WDR11: variants seen among roughly 807,000 people sequenced by gnomAD.
WDR11 encodes WD repeat domain 11, also known as WD repeat-containing protein 11.
Under a neutral mutation model 151.2 loss-of-function variants are expected in WDR11, and 83 were observed. That is an observed-to-expected ratio of 0.55 (90% CI 0.46 to 0.66). The LOEUF is 0.66. Among genes scored for constraint, WDR11 ranks in the 30% least tolerant of loss-of-function variants. The probability of loss-of-function intolerance (pLI) is 0.00; values close to 1 mark genes in which losing one functional copy is unlikely to be tolerated. For missense variants in WDR11, 1,301 were observed against 1,480.9 expected, an observed-to-expected ratio of 0.88 and a Z score of 1.99; for synonymous variants, 484 against 533.1, an observed-to-expected ratio of 0.91 and a Z score of 1.27.
chr10:120,855,447 G>A (rs1845915241), intron 2 of WDR11, among the ~76,000 whole-genome samples: 1 of 151,460 alleles, frequency 6.6e-6, no homozygotes, highest in Admixed American at 6.6e-5. Context: ...TCAATTTGTG[G>A]GTTGTCTTTT....
chr10:120,904,125 C>G lies in WDR11; in HGVS notation c.3010C>G (p.Leu1004Val). The G allele has an allele frequency of 6.2e-7, 1 of 1,612,858 alleles. No individual in the cohort carries two copies. The highest frequency in any genetic ancestry group is 8.5e-7 in the Non-Finnish European group (1 of 1,179,046). Residue 1004 changes from leucine to valine, a missense_variant, in exon 24 of 29, where the codon CTA (leucine) becomes GTA (valine). By Grantham distance (32) the Leu-to-Val change is conservative. This residue lies in a region of WDR11 where 589 missense variants were observed against 670.6 expected (regional missense o/e 0.88). Transcript: ENST00000263461. ...YDHTRKCTDQ[L>V]LLLGQTDRAV... Reference sequence around the variant, plus strand: ...TCATACAAGGAAATGTACAGACCAGCTACTGCTCTTGGGTCAAGTATGTCA... The same window carrying G: ...TCATACAAGGAAATGTACAGACCAGGTACTGCTCTTGGGTCAAGTATGTCA...
At position 120,905,892 on chromosome 10, in the gene WDR11, A is replaced by T; in HGVS notation, c.3308A>T (p.Glu1103Val). The change falls in exon 27 of 29, where the codon GAG (glutamate) becomes GTG (valine). Residue 1103 changes from glutamate to valine, a missense_variant. Physicochemically the swap from Glu to Val is moderately radical, Grantham distance 121. Around this residue, in one of 3 missense-constraint regions of WDR11, gnomAD observed 589 missense variants for 670.6 expected, o/e 0.88. Transcript: ENST00000263461. ...CTTTCTCAGGTCCGTTTGAATCCTG[A>T]GGAGTGTGCCGATGTTTTAAGGCGG... The part of the protein sequence containing the change: ...AWLAKVRLNP[E>V]ECADVLRRWV... The T allele has an allele frequency of 1.2e-6, 2 of 1,614,184 alleles. No individual in the cohort carries two copies. Among genetic ancestry groups the T allele is most frequent in the Non-Finnish European group, 1.7e-6 (2 of 1,180,034 alleles).
intron 12 of WDR11, chr10:120,879,103 G>A (rs1044151512): frequency 6.6e-6 from 1 of 152,294 alleles, no homozygotes; most frequent in East Asian, 1.9e-4. Flanking sequence ...AAATAAAATT[G>A]TGATGAGTTT....
Position 120,886,538 on chromosome 10 carries a change from A to G in WDR11, c.1974-151A>G, listed in dbSNP as rs1847224000. On this transcript the variant is annotated intron_variant, in intron 15 of 28. Coordinates refer to ENST00000263461, the MANE Select transcript of WDR11 (RefSeq NM_018117.12). ...TAAGGAGTGATTCATGTTTACCCAT[A>G]ATTAGCTGGGCAAATATTAGTTTCA... 8 of 922,240 alleles carry G rather than the reference A, an allele frequency of 8.7e-6. No individual in the cohort carries two copies. In the East Asian group the frequency reaches 2.1e-4, roughly 24 times the overall value. The allele number at this position is 922,240 out of a possible 1,614,324, so 57.1% of individuals were successfully genotyped here. A position where few individuals can be genotyped will look rare whatever the true frequency, so the allele number is the denominator to read the frequency against.
chr10:120,902,995 A>C, intron 22 of WDR11, 60 bp from the exon 23 acceptor site: 1 of 1,564,504 alleles, frequency 6.4e-7, no homozygotes, highest in African/African-American at 1.4e-5. Context: ...AGTCTACTCT[A>C]GGAAGCCATC....
chr10:120,908,928 T>C lies in WDR11; in HGVS notation c.*215T>C. 6.8e-6 allele frequency: 4 copies of C among 588,432 alleles called. No homozygotes were observed. In the South Asian group the frequency reaches 8.1e-5, roughly 12 times the overall value. The allele number at this position is 588,432 out of a possible 1,614,324, so 36.5% of individuals were successfully genotyped here. Reference sequence around the variant, plus strand: ...TTGGTCTCAGAAAGAACGTGAATGCTTAAGATTTTGAAAGTACATAATATT... The same window carrying C: ...TTGGTCTCAGAAAGAACGTGAATGCCTAAGATTTTGAAAGTACATAATATT... On this transcript the variant is annotated 3_prime_UTR_variant, in exon 29 of 29. Transcript: ENST00000263461.
Position 120,862,746 on chromosome 10 carries a change from G to A in WDR11, c.538G>A (p.Glu180Lys). ...TTTTCTCAATATAGTGCTTACCAGC[G>A]AGGGTATTGTTTTCATCTCAGACTT... Reference protein sequence around the residue: ...DPSHLTLLTSEGIVFISDFSP... With the variant: ...DPSHLTLLTSKGIVFISDFSP... Residue 180 changes from glutamate to lysine, a missense_variant, in exon 5 of 29, where the codon GAG (glutamate) becomes AAG (lysine). Physicochemically the swap from Glu to Lys is moderately conservative, Grantham distance 56. Around this residue, in one of 3 missense-constraint regions of WDR11, gnomAD observed 692 missense variants for 762.5 expected, o/e 0.91. Transcript: ENST00000263461. The A allele has an allele frequency of 1.2e-6, 2 of 1,614,028 alleles. No homozygotes were observed. The highest frequency in any genetic ancestry group is 8.5e-7 in the Non-Finnish European group (1 of 1,180,008).
Position 120,851,368 on chromosome 10 carries a change from T to C in WDR11, c.-53T>C. Reference sequence around the variant, plus strand: ...CTCTGTTTGGAACGGAAGCACAGTGTCCGCCGCTTCCTGGTTGCGGGTCAG... The same window carrying C: ...CTCTGTTTGGAACGGAAGCACAGTGCCCGCCGCTTCCTGGTTGCGGGTCAG... On this transcript the variant is annotated 5_prime_UTR_variant, in exon 1 of 29. Transcript: ENST00000263461. 6.5e-7 allele frequency: 1 copy of C among 1,529,690 alleles called. No homozygotes were observed. 94.8% of individuals were successfully genotyped at this position (1,529,690 alleles called of 1,614,324 possible). A position where few individuals can be genotyped will look rare whatever the true frequency, so the allele number is the denominator to read the frequency against.
intron 7 of WDR11, 45 bp from the exon 8 acceptor site, chr10:120,866,524 A>C (rs768426743): frequency 6.2e-7 from 1 of 1,608,588 alleles, no homozygotes; most frequent in Non-Finnish European, 8.5e-7. Flanking sequence ...CAGTAGTGGT[A>C]TCGATATGGC....
chr10:120,906,341 A>C (rs1848044716), intron 27 of WDR11: 1 of 1,265,498 alleles, frequency 7.9e-7, no homozygotes, highest in Admixed American at 3.4e-5. Context: ...CCCAGAGAGC[A>C]GGGGGAGAGG....
chr10:120,863,675 TTTTG>T (rs1846215048), intron 5 of WDR11, among the ~76,000 whole-genome samples: 1 of 152,204 alleles, frequency 6.6e-6, no homozygotes, highest in African/African-American at 2.4e-5. Context: ...TGGCAGGCTT[TTTTG>T]TTTGTTTTGG....
intron 17 of WDR11, 100 bp from the exon 18 acceptor site, chr10:120,889,795 G>C: frequency 1.2e-6 from 1 of 835,816 alleles, no homozygotes; most frequent in Non-Finnish European, 2.0e-6. Context: ...CCCATCATCA[G>C]ACCTGTTAGA....
intron 9 of WDR11, among the ~76,000 whole-genome samples, chr10:120,867,708 G>T (rs895883725): frequency 5.3e-5 from 8 of 152,148 alleles, no homozygotes; most frequent in Non-Finnish European, 8.8e-5. Context: ...CATCACAAGG[G>T]TGGTACAGTG....
intron 20 of WDR11, among the ~76,000 whole-genome samples, chr10:120,900,527 G>C (rs923857766): frequency 6.6e-6 from 1 of 152,094 alleles, no homozygotes; most frequent in African/African-American, 2.4e-5. Flanking sequence ...CTCAATATTT[G>C]CCTCATTGCA....
intron 15 of WDR11, 79 bp downstream of exon 15, chr10:120,886,017 G>A: frequency 6.3e-7 from 1 of 1,586,250 alleles, no homozygotes; most frequent in Non-Finnish European, 8.6e-7. Flanking sequence ...TCATCGGAAG[G>A]TGTCTATGGT....
intron 9 of WDR11, among the ~76,000 whole-genome samples, chr10:120,868,219 C>T (rs186269997): frequency 5.1e-4 from 78 of 152,082 alleles, no homozygotes; most frequent in African/African-American, 1.7e-3. Flanking sequence ...TTTTGGAGGC[C>T]GAGGCGGGAG....
At chr10:120,859,969 ACAC>A in intron 3 of WDR11, 137 bp from the exon 4 acceptor site, 1 of 870,612 alleles carries the variant, frequency 1.1e-6, no homozygotes, top group Non-Finnish European at 1.9e-6. Flanking sequence ...ACACACACAC[ACAC>A]ACACACGTCA....
intron 4 of WDR11, 75 bp downstream of exon 4, chr10:120,860,357 T>A (rs1846099503): frequency 6.0e-6 from 9 of 1,494,442 alleles, no homozygotes; most frequent in Non-Finnish European, 8.2e-6. Flanking sequence ...GCATGAGATA[T>A]ACACACACAT....
At chr10:120,903,399 A>G (rs932891556) in intron 23 of WDR11, among the ~76,000 whole-genome samples, 167 bp downstream of exon 23, 1 of 151,990 alleles carries the variant, frequency 6.6e-6, no homozygotes, top group African/African-American at 2.4e-5. Context: ...AGTCCCAGCT[A>G]CTCAGGAGGC....
Sources: allele counts gnomAD v4.1 joint callset (sites outside exome capture counted in the v4.1 genomes callset), GRCh38; gene constraint gnomAD v4.1.1; regional missense constraint gnomAD v4.1.1; transcripts MANE v1.5; gene names NCBI Gene and HGNC (gene_info 2026-07-23, HGNC 2026-07-21).